The following DNAI4 variants were observed in gnomAD, a reference collection of about 807,000 sequenced individuals.
DNAI4 encodes the protein dynein axonemal intermediate chain 4.
Under a neutral mutation model 105.8 loss-of-function variants are expected in DNAI4, and 85 were observed. The ratio of observed to expected loss-of-function variants is 0.80; its 90% CI spans 0.67 to 0.96. The LOEUF (loss-of-function observed/expected upper bound fraction) is 0.96, where lower values mean the gene tolerates loss of function less well. Ranked by LOEUF, DNAI4 falls within the 40% of genes least tolerant of loss-of-function variation. The pLI is 0.00. For synonymous variants in DNAI4, 352 were observed against 331.5 expected, an observed-to-expected ratio of 1.06 and a Z score of -0.67; for missense variants, 1,014 against 1,005.6, an observed-to-expected ratio of 1.01 and a Z score of -0.11.
chr1:66,923,334 C>T lies in DNAI4; in HGVS notation c.170+1328G>A, dbSNP rs151125854. Among the ~76,000 whole-genome samples the T allele has an allele frequency of 1.8e-3, 281 of 152,242 alleles. 2 individuals are homozygous for T. Among genetic ancestry groups the T allele is most frequent in the African/African-American group, 6.7e-3 (277 of 41,548 alleles). ...AGGTGTATAGTAGCCCATACATCTA[C>T]GTTTGTGTAAGTACACTAGAAGATA... On this transcript the variant is annotated intron_variant, in intron 1 of 16. Transcript: ENST00000371026.
chr1:66,857,393 A>G (rs1646524263), intron 7 of DNAI4, among the ~76,000 whole-genome samples: 1 of 151,634 alleles, frequency 6.6e-6, no homozygotes, highest in Non-Finnish European at 1.5e-5. Context: ...GTAAATGATG[A>G]GTTAATGGGT....
intron 8 of DNAI4, among the ~76,000 whole-genome samples, chr1:66,843,363 C>T (rs188515219): frequency 1.3e-5 from 2 of 151,942 alleles, no homozygotes; most frequent in Admixed American, 6.6e-5. Flanking sequence ...AGGTCTTTTG[C>T]CCATTTTAAT....
intron 6 of DNAI4, among the ~76,000 whole-genome samples, chr1:66,869,073 AAAATAAATAAAT>A (rs547848121): frequency 3.8e-4 from 57 of 148,742 alleles, no homozygotes; most frequent in Middle Eastern, 3.5e-3. Flanking sequence ...ACTCTGTCTC[AAAATAAATAAAT>A]AAATAAATAA....
intron 2 of DNAI4, among the ~76,000 whole-genome samples, chr1:66,898,365 G>C (rs1648515338): frequency 6.6e-6 from 1 of 152,124 alleles, no homozygotes. Context: ...GAATTTGGGG[G>C]CCAAGGGCAG....
At position 66,826,025 on chromosome 1, in the gene DNAI4, AT is replaced by A. The variant is rs564771085; in HGVS notation, c.2339+794del. Among the ~76,000 whole-genome samples, 60 of 152,324 alleles carry A rather than the reference AT, an allele frequency of 3.9e-4. 1 individual carries two copies. The South Asian group carries it at 0.012, about 31-fold the overall frequency. ...TAGGAAGAATAAATTAATTTAGACAATCCTCTAATAACTTTGGTGTAATATC... is the reference window on the plus strand; with the variant it reads ...TAGGAAGAATAAATTAATTTAGACAACCTCTAATAACTTTGGTGTAATATC... On this transcript the variant is annotated intron_variant, in intron 15 of 16. Transcript: ENST00000371026.
chr1:66,814,695 A>C (rs894202315), intron 16 of DNAI4, among the ~76,000 whole-genome samples: 1 of 152,128 alleles, frequency 6.6e-6, no homozygotes, highest in Non-Finnish European at 1.5e-5. Context: ...AATTCCGATA[A>C]ACGATTTTAT....
rs777677456 is a variant in DNAI4, at chr1:66,826,953, TC to T, written c.2205del (p.Asn736MetfsTer6). 6.2e-7 allele frequency: 1 copy of T among 1,613,988 alleles called. No homozygotes were observed. Among genetic ancestry groups the T allele is most frequent in the Non-Finnish European group, 8.5e-7 (1 of 1,180,016 alleles). On this transcript the variant is annotated frameshift_variant, in exon 15 of 17. Transcript: ENST00000371026. LOFTEE classifies it high-confidence loss of function. The part of the protein sequence containing the change: ...ADWGVIIWQQ[E>X]NVKPSLSFYP... ...TAAAAACTCAAAGATGGCTTGACATTCTCCTGTTGCCATATAATAACACCCC... is the reference window on the plus strand; with the variant it reads ...TAAAAACTCAAAGATGGCTTGACATTTCCTGTTGCCATATAATAACACCCC...
At chr1:66,894,571 C>A (rs189733162) in intron 2 of DNAI4, among the ~76,000 whole-genome samples, 4 of 151,984 alleles carry the variant, frequency 2.6e-5, no homozygotes, top group Admixed American at 2.0e-4. Context: ...CATTCCCAGC[C>A]CTGAAGTCCT....
At position 66,891,278 on chromosome 1, in the gene DNAI4, A is replaced by C; in HGVS notation, c.531-12T>G. ...TTCCTAAAACTGACCTTTAATAATG[A>C]ATAACAAAATTACTCATTTATTTAG... On this transcript the variant is annotated splice_polypyrimidine_tract_variant and intron_variant, in intron 3 of 16. Coordinates refer to ENST00000371026, the MANE Select transcript of DNAI4 (RefSeq NM_024763.5). 1.3e-6 allele frequency: 2 copies of C among 1,573,986 alleles called. No individual in the cohort carries two copies. The highest frequency in any genetic ancestry group is 1.7e-6 in the Non-Finnish European group (2 of 1,145,216).
At chr1:66,913,961 G>C in intron 1 of DNAI4, among the ~76,000 whole-genome samples, 1 of 147,326 alleles carries the variant, frequency 6.8e-6, no homozygotes. Context: ...TCCAGCCTGG[G>C]CAACAGAGCA....
intron 13 of DNAI4, among the ~76,000 whole-genome samples, chr1:66,832,639 T>C (rs1339405114): frequency 1.3e-5 from 2 of 152,116 alleles, no homozygotes; most frequent in Non-Finnish European, 2.9e-5. Context: ...AATAATTTAA[T>C]TGTACACTTT....
intron 13 of DNAI4, among the ~76,000 whole-genome samples, chr1:66,829,407 C>T (rs888057118): frequency 5.9e-5 from 9 of 151,962 alleles, no homozygotes; most frequent in African/African-American, 2.2e-4. Flanking sequence ...TAAAAGTAAG[C>T]TGAAGTGGCT....
At chr1:66,908,791 T>C (rs765652412) in intron 1 of DNAI4, among the ~76,000 whole-genome samples, 4 of 152,208 alleles carry the variant, frequency 2.6e-5, no homozygotes, top group Non-Finnish European at 5.9e-5. Flanking sequence ...ATTTTCTTGG[T>C]CCATTTTTTA....
intron 1 of DNAI4, among the ~76,000 whole-genome samples, chr1:66,906,495 G>C (rs1008399269): frequency 2.0e-5 from 3 of 152,004 alleles, no homozygotes; most frequent in Non-Finnish European, 4.4e-5. Context: ...GATCAATCCA[G>C]TTTTCATATT....
rs144726271 is a variant in DNAI4 at position 66,851,051 on chromosome 1, C to T, written c.1097-3373G>A. 4.9e-3 allele frequency among the ~76,000 whole-genome samples: 742 copies of T among 150,988 alleles called. 1 individual carries two copies. The highest frequency in any genetic ancestry group is 8.5e-3 in the Non-Finnish European group (577 of 67,534). On this transcript the variant is annotated intron_variant, in intron 7 of 16. Transcript: ENST00000371026. ...ATACCAATTTAGAGATAAAGACTGA[C>T]AAAAAAAATTGGATTAAAAAACATG...
At chr1:66,883,569 C>T (rs148284910) in intron 4 of DNAI4, among the ~76,000 whole-genome samples, 165 of 152,258 alleles carry the variant, frequency 1.1e-3, no homozygotes, top group African/African-American at 3.8e-3. Flanking sequence ...TGAGCCACCA[C>T]GCTTGGCCCA....
Position 66,836,220 on chromosome 1 carries a change from G to GAGAGAA in DNAI4, c.1582-444_1582-443insTTCTCT, listed in dbSNP as rs1557908474. Among the ~76,000 whole-genome samples the GAGAGAA allele has an allele frequency of 1.0e-3, 92 of 89,472 alleles. 1 individual carries two copies. Among genetic ancestry groups the GAGAGAA allele is most frequent in the African/African-American group, 2.1e-3 (44 of 21,040 alleles). The allele number at this position is 89,472 out of a possible 152,430, so 58.7% of individuals were successfully genotyped here. On this transcript the variant is annotated intron_variant, in intron 10 of 16. Transcript: ENST00000371026. ...AGAAAGAAAGAAAGAGAGAGAGAGA[G>GAGAGAA]AGAGAGAGAGAGAGAAAGAAAGAAA... is the stretch of plus-strand genomic sequence containing the variant.
At chr1:66,831,444 C>CAAAT (rs1406987936) in intron 13 of DNAI4, among the ~76,000 whole-genome samples, 2 of 152,088 alleles carry the variant, frequency 1.3e-5, no homozygotes, top group Non-Finnish European at 2.9e-5. Context: ...AAACAACAAT[C>CAAAT]AAATAAAGTT....
chr1:66,826,119 T>C (rs1168155399), intron 15 of DNAI4, among the ~76,000 whole-genome samples: 1 of 152,218 alleles, frequency 6.6e-6, no homozygotes, highest in African/African-American at 2.4e-5. Context: ...AGAGCATAAG[T>C]AAATGTTGCA....
Sources: allele counts gnomAD v4.1 joint callset (sites outside exome capture counted in the v4.1 genomes callset), GRCh38; gene constraint gnomAD v4.1.1; transcripts MANE v1.5; gene names NCBI Gene and HGNC (gene_info 2026-07-23, HGNC 2026-07-21).